Variants in DAP observed in about 807,000 individuals in gnomAD.
DAP encodes the protein death associated protein.
Under a neutral mutation model 13.8 loss-of-function variants are expected in DAP, and 8 were observed. The ratio of observed to expected loss-of-function variants is 0.58; its 90% CI spans 0.34 to 1.05. DAP has a LOEUF of 1.05. Ranked by LOEUF, DAP falls within the 50% of genes least tolerant of loss-of-function variation. The pLI, the probability that DAP is intolerant of heterozygous loss-of-function variation, is 0.03. For missense variants in DAP, 106 were observed against 133.2 expected, an observed-to-expected ratio of 0.80 and a Z score of 1.01; for synonymous variants, 47 against 47.5, an observed-to-expected ratio of 0.99 and a Z score of 0.04.
chr5:10,758,504 G>A (rs1021526589), intron 1 of DAP, among the ~76,000 whole-genome samples: 3 of 152,138 alleles, frequency 2.0e-5, no homozygotes, highest in African/African-American at 7.2e-5. Context: ...GATGACAGAT[G>A]GTGACAGCCA....
rs144883728 is a variant in DAP at position 10,684,688 on chromosome 5, T to A, written c.153-1117A>T. Among the ~76,000 whole-genome samples the A allele has an allele frequency of 9.8e-4, 150 of 152,354 alleles. 2 individuals carry two copies. Among genetic ancestry groups the A allele is most frequent in the Non-Finnish European group, 1.3e-4 (9 of 68,042 alleles). On this transcript the variant is annotated intron_variant, in intron 2 of 3. Coordinates refer to ENST00000230895, the MANE Select transcript of DAP (RefSeq NM_004394.3). ...TAAGGCTATGGCAAGCATCTCTCCA[T>A]GTAATTATATACTCTTCTGTACACT...
chr5:10,680,402 C>G lies in DAP; in HGVS notation c.*654G>C. 3.0e-6 allele frequency: 1 copy of G among 337,858 alleles called. No homozygotes were observed. Among genetic ancestry groups the G allele is most frequent in the South Asian group, 3.8e-5 (1 of 26,174 alleles). The allele number at this position is 337,858 out of a possible 1,614,324, so 20.9% of individuals were successfully genotyped here. On this transcript the variant is annotated 3_prime_UTR_variant, in exon 4 of 4. Coordinates refer to ENST00000230895, the MANE Select transcript of DAP (RefSeq NM_004394.3). The stretch of plus-strand genomic sequence containing the variant: ...GCCGAGATCTCATGCCAGAAGTCCT[C>G]CCTCGGAGCTACCTGTCTCCAGCCT...
At chr5:10,719,539 T>A (rs984431698) in intron 2 of DAP, among the ~76,000 whole-genome samples, 4 of 152,196 alleles carry the variant, frequency 2.6e-5, no homozygotes, top group Admixed American at 2.6e-4. Flanking sequence ...GTTACTGGGC[T>A]TTGGTGGAAA....
chr5:10,721,949 A>G (rs1739154777), intron 2 of DAP, among the ~76,000 whole-genome samples: 1 of 152,238 alleles, frequency 6.6e-6, no homozygotes. Context: ...AAGTATTGCT[A>G]ATCTTATGTA....
chr5:10,741,176 C>G (rs997298044), intron 2 of DAP, among the ~76,000 whole-genome samples: 1 of 135,690 alleles, frequency 7.4e-6, no homozygotes, highest in Admixed American at 7.9e-5. Context: ...TGTGGTGAGA[C>G]CTGGTCTCTA....
chr5:10,734,089 G>A (rs1739541213), intron 2 of DAP: 3 of 152,212 alleles, frequency 2.0e-5, no homozygotes, highest in Non-Finnish European at 4.4e-5. Context: ...AACCTTTCAA[G>A]TCACACCATA....
chr5:10,752,288 G>A (rs1208832168), intron 1 of DAP, among the ~76,000 whole-genome samples: 1 of 152,110 alleles, frequency 6.6e-6, no homozygotes, highest in African/African-American at 2.4e-5. Flanking sequence ...AATAAAAAGT[G>A]GCAATAATAA....
rs1738578916 is a variant in DAP at position 10,701,669 on chromosome 5, G to A, written c.153-18098C>T. On this transcript the variant is annotated intron_variant, in intron 2 of 3. Coordinates refer to ENST00000230895, the MANE Select transcript of DAP (RefSeq NM_004394.3). ...ATCTCGTCTCTGACCAGTAGAGGGA[G>A]AATGAACTTCATTCAGGGCAGCAAA... 3.3e-5 allele frequency among the ~76,000 whole-genome samples: 5 copies of A among 152,328 alleles called. No individual in the cohort carries two copies. The South Asian group carries it at 1.0e-3, about 32-fold the overall frequency.
chr5:10,722,710 A>G (rs1215244560), intron 2 of DAP, among the ~76,000 whole-genome samples: 2 of 151,942 alleles, frequency 1.3e-5, no homozygotes, highest in Admixed American at 6.6e-5. Context: ...CAGATGCCAC[A>G]GCAATGTCAC....
chr5:10,739,582 A>G (rs756103544), intron 2 of DAP, among the ~76,000 whole-genome samples: 1 of 152,152 alleles, frequency 6.6e-6, no homozygotes, highest in Non-Finnish European at 1.5e-5. Flanking sequence ...TCTCGCCCAC[A>G]AGGCTCAGCA....
intron 2 of DAP, among the ~76,000 whole-genome samples, chr5:10,709,088 A>G (rs1460891211): frequency 6.6e-6 from 1 of 152,266 alleles, no homozygotes; most frequent in Non-Finnish European, 1.5e-5. Flanking sequence ...CCTCTGGAAT[A>G]GACAAGCATG....
At chr5:10,734,999 C>A (rs1739569733) in intron 2 of DAP, among the ~76,000 whole-genome samples, 1 of 152,214 alleles carries the variant, frequency 6.6e-6, no homozygotes, top group African/African-American at 2.4e-5. Flanking sequence ...GGCCTCCATG[C>A]CCTTCATCTG....
chr5:10,729,587 C>G (rs1332229898), intron 2 of DAP, among the ~76,000 whole-genome samples: 1 of 152,118 alleles, frequency 6.6e-6, no homozygotes, highest in East Asian at 1.9e-4. Flanking sequence ...CTTGGAATAC[C>G]AAAGATGTCC....
intron 2 of DAP, among the ~76,000 whole-genome samples, chr5:10,732,386 T>C (rs1450572900): frequency 6.6e-6 from 1 of 152,268 alleles, no homozygotes; most frequent in African/African-American, 2.4e-5. Flanking sequence ...ATCAGTCATC[T>C]GCTGCCTGTG....
intron 2 of DAP, among the ~76,000 whole-genome samples, chr5:10,728,164 G>T (rs1739339912): frequency 6.6e-6 from 1 of 151,942 alleles, no homozygotes. Context: ...TTTTTTTCCT[G>T]GATATCAGAA....
chr5:10,683,669 G>T, intron 2 of DAP, 98 bp from the exon 3 acceptor site: 1 of 1,148,100 alleles, frequency 8.7e-7, no homozygotes, highest in Non-Finnish European at 1.3e-6. Context: ...AGGCTGGAGG[G>T]CGTGGAGGCA....
At chr5:10,747,523 G>C (rs1245206313) in intron 2 of DAP, among the ~76,000 whole-genome samples, 34 of 152,250 alleles carry the variant, frequency 2.2e-4, no homozygotes, top group Admixed American at 2.2e-3. Context: ...GAAATCAGAA[G>C]TTCTTGCCCC....
chr5:10,693,036 C>G (rs1265852041), intron 2 of DAP, among the ~76,000 whole-genome samples: 1 of 152,060 alleles, frequency 6.6e-6, no homozygotes, highest in Non-Finnish European at 1.5e-5. Context: ...GACTGGTCAG[C>G]CTCTTCCTTC....
chr5:10,740,044 A>G (rs1234446774), intron 2 of DAP, among the ~76,000 whole-genome samples: 1 of 152,230 alleles, frequency 6.6e-6, no homozygotes, highest in African/African-American at 2.4e-5. Flanking sequence ...TCAGATGAAG[A>G]TTTAAAATAA....
Sources: gnomAD v4.1 joint callset for allele counts (sites outside exome capture counted in the v4.1 genomes callset) on GRCh38, gnomAD v4.1.1 for gene constraint, MANE v1.5 for transcripts, NCBI Gene and HGNC (gene_info 2026-07-23, HGNC 2026-07-21) for gene names.